ARL2BP: variants seen among roughly 807,000 people sequenced by gnomAD.
The protein encoded by ARL2BP is ADP-ribosylation factor-like protein 2-binding protein.
In ARL2BP, 19 loss-of-function variants were observed where a neutral mutation model predicts 24.2. That is an observed-to-expected ratio of 0.79 (90% CI 0.55 to 1.15). The LOEUF is 1.15. Ranked by LOEUF, ARL2BP falls within the 50% of genes most tolerant of loss-of-function variation. ARL2BP has a pLI of 0.00. For synonymous variants in ARL2BP, 56 were observed against 70.5 expected (o/e 0.79, Z 1.03); for missense variants, 160 against 190.4 (o/e 0.84, Z 0.94).
chr16:57,245,493 T>C, intron 1 of ARL2BP, 88 bp downstream of exon 1: 1 of 1,522,726 alleles, frequency 6.6e-7, no homozygotes, highest in Non-Finnish European at 8.9e-7. Flanking sequence ...ACAGGTGTCC[T>C]TAGGGGCCGG....
intron 1 of ARL2BP, among the ~76,000 whole-genome samples, chr16:57,245,652 A>G (rs57092256): frequency 6.6e-6 from 1 of 151,998 alleles, no homozygotes. Context: ...CTCCATCACA[A>G]TCCCCAGCCG....
chr16:57,245,736 C>T, intron 1 of ARL2BP: 1 of 511,982 alleles, frequency 2.0e-6, no homozygotes, highest in South Asian at 2.6e-5. Context: ...TGGCCCCCGC[C>T]TCCCGGACTC....
rs188183086 is a variant in ARL2BP at position 57,246,707 on chromosome 16, G to A, written c.100+566G>A. Among the ~76,000 whole-genome samples the A allele has an allele frequency of 2.6e-5, 4 of 152,302 alleles. No individual in the cohort carries two copies. The East Asian group carries it at 7.7e-4, about 29-fold the overall frequency. The stretch of plus-strand genomic sequence containing the variant: ...TAGTCCCAGCTACTCAGGAGGCTGA[G>A]GCAGGAAAATGGCGTGAACCTGGGA... On this transcript the variant is annotated intron_variant, in intron 2 of 5. Coordinates refer to ENST00000219204, the MANE Select transcript of ARL2BP (RefSeq NM_012106.4).
chr16:57,250,498 C>T lies in ARL2BP; in HGVS notation c.381C>T (p.Asp127=). 1 of 1,613,856 alleles carries T rather than the reference C, an allele frequency of 6.2e-7. No homozygotes were observed. Among genetic ancestry groups the T allele is most frequent in the African/African-American group, 1.3e-5 (1 of 75,046 alleles). The change falls in exon 5 of 6, where the codon GAC becomes GAT. Residue 127 remains aspartate, a synonymous_variant. Coordinates refer to ENST00000219204, the MANE Select transcript of ARL2BP (RefSeq NM_012106.4). ...TGGCTTTTAAAGAAATGTTTTTGGA[C>T]TACAGAGCAGTAAGTTACTACTCCT... ...DFLAFKEMFL[D]YRAEKEGRGL... is the part of the protein sequence containing the mutation.
chr16:57,246,051 A>G (rs767845459), intron 1 of ARL2BP, 29 bp from the exon 2 acceptor site: 1 of 1,610,636 alleles, frequency 6.2e-7, no homozygotes, highest in Admixed American at 1.7e-5. Context: ...ATTATTTGAA[A>G]TAGCACCTAA....
intron 2 of ARL2BP, chr16:57,247,251 C>T (rs561228077): frequency 6.6e-6 from 1 of 152,232 alleles, no homozygotes; most frequent in South Asian, 2.1e-4. Flanking sequence ...CTGAAGAATC[C>T]ATTCAGTTCT....
In ARL2BP at chr16:57,253,530, A is replaced by G. The variant is rs957864306; in HGVS notation, c.*1263A>G. On this transcript the variant is annotated 3_prime_UTR_variant, in exon 6 of 6. Transcript: ENST00000219204. ...TTTTCACTTGGCCATTCTGGTTTTA[A>G]AGGACAAGCTACAAGCTCTGTGTTT... The G allele has an allele frequency of 6.6e-6, 1 of 152,128 alleles. No individual in the cohort carries two copies. The highest frequency in any genetic ancestry group is 1.5e-5 in the Non-Finnish European group (1 of 68,026). The allele number at this position is 152,128 out of a possible 1,614,324, so 9.4% of individuals were successfully genotyped here. A position where few individuals can be genotyped will look rare whatever the true frequency, so the allele number is the denominator to read the frequency against.
Position 57,252,536 on chromosome 16 carries a change from C to A in ARL2BP, c.*269C>A. The A allele has an allele frequency of 4.0e-6, 2 of 502,396 alleles. No individual in the cohort carries two copies. Among genetic ancestry groups the A allele is most frequent in the Non-Finnish European group, 7.0e-6 (2 of 286,668 alleles). The allele number at this position is 502,396 out of a possible 1,614,324, so 31.1% of individuals were successfully genotyped here. A position where few individuals can be genotyped will look rare whatever the true frequency, so the allele number is the denominator to read the frequency against. On this transcript the variant is annotated 3_prime_UTR_variant, in exon 6 of 6. Coordinates refer to ENST00000219204, the MANE Select transcript of ARL2BP (RefSeq NM_012106.4). ...GCTTCTGAGTCAGACGCCTCTGGAG[C>A]GAGCCCTATGTCAGGCACTCCACCT...
At chr16:57,250,384 C>T (rs1445843741) in intron 4 of ARL2BP, 27 bp from the exon 5 acceptor site, 9 of 1,597,840 alleles carry the variant, frequency 5.6e-6, no homozygotes, top group African/African-American at 1.3e-5. Context: ...CATTCATTCA[C>T]GAAACAGCCA....
intron 5 of ARL2BP, 180 bp from the exon 6 acceptor site, chr16:57,251,986 A>T (rs1451407183): frequency 1.8e-6 from 1 of 570,764 alleles, no homozygotes; most frequent in Non-Finnish European, 3.1e-6. Flanking sequence ...TATTAAAAAA[A>T]ATTAAGACTA....
Position 57,245,496 on chromosome 16 carries a change from G to GGGGCCGGGCC in ARL2BP, c.38+106_38+115dup, listed in dbSNP as rs536362342. 3.1e-3 allele frequency: 4,705 copies of GGGGCCGGGCC among 1,514,496 alleles called. 18 individuals carry two copies. The highest frequency in any genetic ancestry group is 0.011 in the Middle Eastern group (58 of 5,176). The allele number at this position is 1,514,496 out of a possible 1,614,324, so 93.8% of individuals were successfully genotyped here. A position where few individuals can be genotyped will look rare whatever the true frequency, so the allele number is the denominator to read the frequency against. ...TGACCCTATAAAACAGGTGTCCTTA[G>GGGGCCGGGCC]GGGCCGGGCCGGGCCGGGCCGGGCA... On this transcript the variant is annotated intron_variant, in intron 1 of 5. Coordinates refer to ENST00000219204, the MANE Select transcript of ARL2BP (RefSeq NM_012106.4).
intron 2 of ARL2BP, chr16:57,246,433 A>G (rs932422563): frequency 1.0e-4 from 32 of 309,308 alleles, no homozygotes; most frequent in Non-Finnish European, 1.6e-4. Flanking sequence ...ATAATGATCT[A>G]CTCTATTTCT....
Position 57,245,402 on chromosome 16 carries a change from C to A in ARL2BP, c.35C>A (p.Ser12Tyr). 1 of 1,606,822 alleles carries A rather than the reference C, an allele frequency of 6.2e-7. No homozygotes were observed. Among genetic ancestry groups the A allele is most frequent in the Non-Finnish European group, 8.5e-7 (1 of 1,177,424 alleles). Residue 12 changes from serine (S) to tyrosine (Y), a missense_variant, in exon 1 of 6, where the codon TCT becomes TAT. By Grantham distance (144) the Ser-to-Tyr change is moderately radical. Coordinates refer to ENST00000219204, the MANE Select transcript of ARL2BP (RefSeq NM_012106.4). ...DALEGESFAL[S>Y]FSSASDAEFD... ...TTAGAAGGAGAGAGCTTTGCGCTGT[C>A]TTTGTGAGTAGCTCCTCCAGGGCGC...
intron 5 of ARL2BP, chr16:57,251,113 G>A (rs573552527): frequency 3.3e-5 from 5 of 152,142 alleles, no homozygotes; most frequent in East Asian, 2.0e-4. Context: ...AAGAAAAATA[G>A]GAGACTGGGC....
intron 2 of ARL2BP, among the ~76,000 whole-genome samples, chr16:57,247,632 A>G (rs1462798008): frequency 6.6e-6 from 1 of 152,190 alleles, no homozygotes; most frequent in African/African-American, 2.4e-5. Flanking sequence ...TATGATAACT[A>G]CCATAAACCA....
chr16:57,250,635 A>AAG, intron 5 of ARL2BP, 128 bp downstream of exon 5: 1 of 712,454 alleles, frequency 1.4e-6, no homozygotes, highest in Non-Finnish European at 2.4e-6. Flanking sequence ...GAGGCATCAG[A>AAG]AGAGTGAGCT....
intron 1 of ARL2BP, 124 bp downstream of exon 1, chr16:57,245,529 G>GGCC (rs2075387538): frequency 7.8e-7 from 1 of 1,280,540 alleles, no homozygotes; most frequent in African/African-American, 1.5e-5. Context: ...GCAGGGTGGG[G>GGCC]GCCGCCAAGG....
intron 5 of ARL2BP, chr16:57,250,781 A>AT (rs1265325145): frequency 0.028 from 9,269 of 331,738 alleles, 45 homozygotes; most frequent in African/African-American, 0.056. Context: ...TCTTTTATTT[A>AT]TTTTTTTTTT....
rs1320911557 is a variant in ARL2BP at position 57,253,214 on chromosome 16, G to A, written c.*947G>A. 1 of 152,556 alleles carries A rather than the reference G, an allele frequency of 6.6e-6. No individual in the cohort carries two copies. The highest frequency in any genetic ancestry group is 1.5e-5 in the Non-Finnish European group (1 of 68,048). 9.5% of individuals were successfully genotyped at this position (152,556 alleles called of 1,614,324 possible). On this transcript the variant is annotated 3_prime_UTR_variant, in exon 6 of 6. Coordinates refer to ENST00000219204, the MANE Select transcript of ARL2BP (RefSeq NM_012106.4). ...TGCATGTTTGCTGAAAATCCTTTGT[G>A]TATAAACCAGTTTGTAAGGTTCTCT...
Sources: gnomAD v4.1 joint callset for allele counts (sites outside exome capture counted in the v4.1 genomes callset) on GRCh38, gnomAD v4.1.1 for gene constraint, MANE v1.5 for transcripts, NCBI Gene and HGNC (gene_info 2026-07-23, HGNC 2026-07-21) for gene names.